The following SNCAIP variants were observed in gnomAD, a reference collection of about 807,000 sequenced individuals.
SNCAIP encodes the protein synphilin-1.
A neutral mutation model predicts 86.7 loss-of-function variants in SNCAIP; 43 were observed. The ratio of observed to expected loss-of-function variants is 0.50; its 90% CI spans 0.39 to 0.64. The LOEUF is 0.64. Ranked by LOEUF, SNCAIP falls within the 30% of genes least tolerant of loss-of-function variation. The pLI is 0.00. For synonymous variants in SNCAIP, 417 were observed against 427.2 expected (o/e 0.98, Z 0.29); for missense variants, 981 against 1,103.1 (o/e 0.89, Z 1.57).
chr5:122,434,961 G>A lies in SNCAIP; in HGVS notation c.1296+2879G>A, dbSNP rs549649773. ...ATTCCTCTCTTGGTTTATTTTAGCC[G>A]CTCTCTGCCCTTCATATAGATTCCT... is the stretch of plus-strand genomic sequence containing the variant. On this transcript the variant is annotated intron_variant, in intron 6 of 10. Transcript: ENST00000261368. Among the ~76,000 whole-genome samples, 89 of 152,208 alleles carry A rather than the reference G, an allele frequency of 5.8e-4. 1 individual carries two copies. Among genetic ancestry groups the A allele is most frequent in the Non-Finnish European group, 3.1e-4 (21 of 68,004 alleles).
chr5:122,383,291 G>A (rs532842145), intron 1 of SNCAIP, among the ~76,000 whole-genome samples: 5 of 152,286 alleles, frequency 3.3e-5, no homozygotes, highest in Admixed American at 3.3e-4. Flanking sequence ...TCGGGTGGGA[G>A]TGACCCGATT....
At chr5:122,375,652 T>G (rs1174928897) in intron 1 of SNCAIP, among the ~76,000 whole-genome samples, 1 of 151,984 alleles carries the variant, frequency 6.6e-6, no homozygotes, top group Admixed American at 6.6e-5. Flanking sequence ...TGAAGTGCTA[T>G]AGAGAAAGGA....
At chr5:122,326,015 A>G (rs1198371042) in intron 1 of SNCAIP, among the ~76,000 whole-genome samples, 1 of 152,196 alleles carries the variant, frequency 6.6e-6, no homozygotes, top group Non-Finnish European at 1.5e-5. Flanking sequence ...CCTAATTGGG[A>G]TAATTGGGTA....
chr5:122,431,520 A>G (rs186388245), intron 5 of SNCAIP, among the ~76,000 whole-genome samples: 62 of 152,270 alleles, frequency 4.1e-4, no homozygotes, highest in Middle Eastern at 6.8e-3. Flanking sequence ...ATCTATTGTG[A>G]CAGAAATCTC....
At chr5:122,419,669 T>TTGG (rs1371033023) in intron 3 of SNCAIP, among the ~76,000 whole-genome samples, 2 of 152,140 alleles carry the variant, frequency 1.3e-5, no homozygotes, top group Non-Finnish European at 2.9e-5. Context: ...TAGATAAAAT[T>TTGG]TGGGGGGATT....
At chr5:122,421,064 A>C (rs1776271576) in intron 3 of SNCAIP, among the ~76,000 whole-genome samples, 1 of 152,248 alleles carries the variant, frequency 6.6e-6, no homozygotes, top group Non-Finnish European at 1.5e-5. Flanking sequence ...TATGCCAAGC[A>C]CTGTGTACAA....
intron 1 of SNCAIP, among the ~76,000 whole-genome samples, chr5:122,375,676 C>T (rs560693592): frequency 6.6e-6 from 1 of 151,948 alleles, no homozygotes; most frequent in Non-Finnish European, 1.5e-5. Flanking sequence ...TTTAAAGTAG[C>T]CAAGGCCCAA....
At position 122,433,147 on chromosome 5, in the gene SNCAIP, G is replaced by A. The variant is rs1013112829; in HGVS notation, c.1296+1065G>A. 2.1e-5 allele frequency among the ~76,000 whole-genome samples: 3 copies of A among 141,586 alleles called. No individual in the cohort carries two copies. The Admixed American group carries it at 2.2e-4, about 10-fold the overall frequency. The allele number at this position is 141,586 out of a possible 152,430, so 92.9% of individuals were successfully genotyped here. On this transcript the variant is annotated intron_variant, in intron 6 of 10. Transcript: ENST00000261368. Reference sequence around the variant, plus strand: ...TGTGTGTGTGTGTGTGTGTGTGTGTGTATAATATATATTACATAAAAACAT... The same window carrying A: ...TGTGTGTGTGTGTGTGTGTGTGTGTATATAATATATATTACATAAAAACAT...
rs1776820971 is a variant in SNCAIP at position 122,423,614 on chromosome 5, A to G, written c.877A>G (p.Lys293Glu). The G allele has an allele frequency of 6.2e-7, 1 of 1,613,878 alleles. No homozygotes were observed. The highest frequency in any genetic ancestry group is 1.3e-5 in the African/African-American group (1 of 74,938). The change falls in exon 4 of 11, where the codon AAA becomes GAA. Residue 293 changes from lysine to glutamate, a missense_variant. Physicochemically the swap from Lys to Glu is moderately conservative, Grantham distance 56 (BLOSUM62 1). Coordinates refer to ENST00000261368, the MANE Select transcript of SNCAIP (RefSeq NM_005460.4). ...FHLQSSAAES[K>E]PEEQVSGLNR... ...CCTACAATCCTCAGCAGCAGAATCC[A>G]AACCAGAAGAGCAGGTCAGTGGCCT...
intron 5 of SNCAIP, among the ~76,000 whole-genome samples, chr5:122,430,689 G>C (rs1368477880): frequency 3.9e-5 from 6 of 151,934 alleles, no homozygotes; most frequent in Admixed American, 2.6e-4. Flanking sequence ...CTATTTACAT[G>C]CCTTGATTGC....
At chr5:122,324,629 T>G (rs991640536) in intron 1 of SNCAIP, among the ~76,000 whole-genome samples, 1 of 152,200 alleles carries the variant, frequency 6.6e-6, no homozygotes, top group Non-Finnish European at 1.5e-5. Flanking sequence ...ACAAAAGATA[T>G]CTTGTTACCT....
chr5:122,358,181 GTGTGTGTGTGTGTGT>G (rs1561573630), intron 1 of SNCAIP, among the ~76,000 whole-genome samples: 2 of 78,468 alleles, frequency 2.5e-5, no homozygotes, highest in Non-Finnish European at 5.9e-5. Context: ...GTGTGTGTGT[GTGTGTGTGTGTGTGT>G]GTGTGTGTAT....
intron 1 of SNCAIP, among the ~76,000 whole-genome samples, chr5:122,358,299 G>T (rs1236955507): frequency 6.7e-6 from 1 of 150,212 alleles, no homozygotes; most frequent in Non-Finnish European, 1.5e-5. Flanking sequence ...TTGGTGTGCT[G>T]CACCCATTAA....
chr5:122,391,235 C>A (rs745721831), intron 2 of SNCAIP, 44 bp downstream of exon 2: 2 of 1,334,286 alleles, frequency 1.5e-6, no homozygotes, highest in South Asian at 1.2e-5. Flanking sequence ...GATAATCTGC[C>A]TTCAACTTCA....
chr5:122,425,532 G>A lies in SNCAIP; in HGVS notation c.1182+1G>A. 6.2e-7 allele frequency: 1 copy of A among 1,613,574 alleles called. No homozygotes were observed. Among genetic ancestry groups the A allele is most frequent in the Non-Finnish European group, 8.5e-7 (1 of 1,179,546 alleles). Reference sequence around the variant, plus strand: ...GACTCCAGCAGGCCTGGCCATTAAGGTGACTGGTTGGGGGCTGGAACCTCC... The same window carrying A: ...GACTCCAGCAGGCCTGGCCATTAAGATGACTGGTTGGGGGCTGGAACCTCC... On this transcript the variant is annotated splice_donor_variant, in intron 5 of 10. Transcript: ENST00000261368. LOFTEE classifies it high-confidence loss of function.
intron 9 of SNCAIP, 53 bp downstream of exon 9, chr5:122,449,990 C>T: frequency 3.3e-6 from 4 of 1,223,582 alleles, no homozygotes; most frequent in Non-Finnish European, 4.9e-6. Context: ...AATTGTTAAG[C>T]CTTCTTCTGA....
intron 5 of SNCAIP, among the ~76,000 whole-genome samples, chr5:122,429,731 AG>A (rs1778018929): frequency 1.3e-5 from 2 of 152,194 alleles, no homozygotes; most frequent in South Asian, 4.1e-4. Flanking sequence ...TATATATAAA[AG>A]GATGGTTGAG....
chr5:122,386,501 G>A (rs1170406729), intron 1 of SNCAIP, among the ~76,000 whole-genome samples: 1 of 152,182 alleles, frequency 6.6e-6, no homozygotes, highest in Admixed American at 6.5e-5. Context: ...AACTCTGTGA[G>A]AGTAGGAAGA....
chr5:122,448,677 T>C (rs1051265492), intron 8 of SNCAIP, among the ~76,000 whole-genome samples: 1 of 137,738 alleles, frequency 7.3e-6, no homozygotes, highest in Non-Finnish European at 1.5e-5. Flanking sequence ...ATATTATATA[T>C]GTTATATATA....
Sources: allele counts gnomAD v4.1 joint callset (sites outside exome capture counted in the v4.1 genomes callset), GRCh38; gene constraint gnomAD v4.1.1; transcripts MANE v1.5; gene names NCBI Gene and HGNC (gene_info 2026-07-23, HGNC 2026-07-21).